The following LRRIQ3 variants were observed in gnomAD, a reference collection of about 807,000 sequenced individuals.
LRRIQ3 encodes leucine-rich repeat and IQ domain-containing protein 3.
LRRIQ3 carries 75 observed loss-of-function variants against 59.3 expected under a neutral mutation model. That is an observed-to-expected ratio of 1.26 (90% CI 1.05 to 1.53). The LOEUF (loss-of-function observed/expected upper bound fraction) is 1.53. Among genes scored for constraint, LRRIQ3 ranks in the 40% most tolerant of loss-of-function variants. The pLI is 0.00. For missense variants in LRRIQ3, 831 were observed against 710.0 expected, an observed-to-expected ratio of 1.17 and a Z score of -1.94; for synonymous variants, 250 against 231.3, an observed-to-expected ratio of 1.08 and a Z score of -0.73.
chr1:74,194,676 A>G (rs925872446), intron 1 of LRRIQ3, among the ~76,000 whole-genome samples: 12 of 152,292 alleles, frequency 7.9e-5, no homozygotes, highest in African/African-American at 2.6e-4. Flanking sequence ...AGCCAAAATT[A>G]ATAAAAACAT....
intron 3 of LRRIQ3, chr1:74,181,015 G>A: frequency 2.1e-6 from 1 of 487,644 alleles, no homozygotes; most frequent in Admixed American, 3.8e-5. Flanking sequence ...GACTTAATGA[G>A]GACAAGAATT....
chr1:74,174,694 TACA>T (rs2100707365), intron 3 of LRRIQ3, among the ~76,000 whole-genome samples: 1 of 152,152 alleles, frequency 6.6e-6, no homozygotes, highest in African/African-American at 2.4e-5. Context: ...GCACCCAGCC[TACA>T]ACTTCATTTT....
chr1:74,094,858 T>C (rs781315569), intron 5 of LRRIQ3, among the ~76,000 whole-genome samples: 1 of 152,126 alleles, frequency 6.6e-6, no homozygotes, highest in Admixed American at 6.6e-5. Context: ...AGAGGCTTTG[T>C]GTTCTGTTTT....
At chr1:74,189,156 G>A (rs1354126070) in intron 1 of LRRIQ3, among the ~76,000 whole-genome samples, 1 of 152,048 alleles carries the variant, frequency 6.6e-6, no homozygotes, top group Non-Finnish European at 1.5e-5. Flanking sequence ...TACTGTCTCA[G>A]GACCTCTCTA....
intron 1 of LRRIQ3, among the ~76,000 whole-genome samples, chr1:74,193,965 G>A (rs1000968205): frequency 4.6e-5 from 7 of 152,104 alleles, no homozygotes; most frequent in African/African-American, 1.7e-4. Context: ...AGTTTAGAAT[G>A]TCTGCAACAT....
chr1:74,073,713 T>C, intron 6 of LRRIQ3, among the ~76,000 whole-genome samples: 1 of 151,900 alleles, frequency 6.6e-6, no homozygotes, highest in Non-Finnish European at 1.5e-5. Flanking sequence ...TTTGACCAAT[T>C]CATATGCAAA....
intron 1 of LRRIQ3, among the ~76,000 whole-genome samples, chr1:74,187,803 C>T (rs572997024): frequency 5.3e-5 from 8 of 152,138 alleles, no homozygotes; most frequent in Admixed American, 2.0e-4. Flanking sequence ...GAAAAAGGAA[C>T]GCTTATACAT....
chr1:74,093,682 C>T (rs1442434610), intron 5 of LRRIQ3, among the ~76,000 whole-genome samples: 4 of 152,054 alleles, frequency 2.6e-5, no homozygotes, highest in African/African-American at 9.7e-5. Flanking sequence ...ATGAAAACTG[C>T]AATTTTCTGT....
chr1:74,164,020 A>G (rs768698874), intron 3 of LRRIQ3, among the ~76,000 whole-genome samples: 1 of 151,192 alleles, frequency 6.6e-6, no homozygotes, highest in Non-Finnish European at 1.5e-5. Flanking sequence ...TCACGTGATT[A>G]CTTTGCCATC....
intron 1 of LRRIQ3, among the ~76,000 whole-genome samples, chr1:74,194,540 C>T (rs1207438122): frequency 1.3e-5 from 2 of 151,928 alleles, no homozygotes; most frequent in Non-Finnish European, 2.9e-5. Context: ...TTATATACTT[C>T]TGTTCAGAAA....
At chr1:74,131,092 A>T (rs1233833741) in intron 4 of LRRIQ3, among the ~76,000 whole-genome samples, 1 of 152,166 alleles carries the variant, frequency 6.6e-6, no homozygotes, top group Non-Finnish European at 1.5e-5. Flanking sequence ...AGAATACTAT[A>T]AACATCTCTA....
chr1:74,177,914 T>C (rs1025709884), intron 3 of LRRIQ3, among the ~76,000 whole-genome samples: 3 of 152,042 alleles, frequency 2.0e-5, no homozygotes, highest in Admixed American at 6.6e-5. Context: ...CACTATAATA[T>C]TTTCTATCGA....
intron 1 of LRRIQ3, among the ~76,000 whole-genome samples, chr1:74,190,299 G>A (rs1026451403): frequency 4.6e-5 from 7 of 152,158 alleles, no homozygotes; most frequent in African/African-American, 1.7e-4. Flanking sequence ...GATAATGTAG[G>A]TAGAGAGATA....
intron 5 of LRRIQ3, among the ~76,000 whole-genome samples, chr1:74,076,957 T>C (rs914663550): frequency 3.9e-5 from 6 of 152,124 alleles, no homozygotes; most frequent in Non-Finnish European, 8.8e-5. Context: ...TCTTTACATT[T>C]AAAAATTTTT....
chr1:74,070,509 A>G lies in LRRIQ3; in HGVS notation c.997+4152T>C, dbSNP rs1394923190. ...GGGAGGCAAGAGGGAGAGGATTAAA[A>G]AAATATGTATTGGGCACTATGCTTA... is the stretch of plus-strand genomic sequence containing the variant. On this transcript the variant is annotated intron_variant, in intron 6 of 7. Coordinates refer to ENST00000354431, the MANE Select transcript of LRRIQ3 (RefSeq NM_001105659.2). 3.3e-5 allele frequency among the ~76,000 whole-genome samples: 5 copies of G among 152,132 alleles called. No individual in the cohort carries two copies. The East Asian group carries it at 9.7e-4, about 29-fold the overall frequency.
Position 74,068,697 on chromosome 1 carries a change from A to G in LRRIQ3, c.997+5964T>C, listed in dbSNP as rs1236589032. ...TTTGCATGTTTGCTTTTAATTTAAC[A>G]TCTGGTGGCAAAGATTTCTAGTCTT... On this transcript the variant is annotated intron_variant, in intron 6 of 7. Transcript: ENST00000354431. Among the ~76,000 whole-genome samples, 3 of 152,078 alleles carry G rather than the reference A, an allele frequency of 2.0e-5. No individual in the cohort carries two copies. In the East Asian group the frequency reaches 5.8e-4, roughly 29 times the overall value.
Position 74,074,776 on chromosome 1 carries a change from AG to A in LRRIQ3, c.881del (p.Pro294LeufsTer4). ...GTTCACTGGAATTTTTTAAATCAAC[AG>A]GATAATATATATTCTGTGAAAATAA... ...LAYWKHNIYY[P>X]VDLKNSSEHR... On this transcript the variant is annotated frameshift_variant, in exon 6 of 8. Transcript: ENST00000354431. LOFTEE classifies it high-confidence loss of function. 7.3e-7 allele frequency: 1 copy of A among 1,366,546 alleles called. No individual in the cohort carries two copies. The highest frequency in any genetic ancestry group is 9.9e-7 in the Non-Finnish European group (1 of 1,012,982). The allele number at this position is 1,366,546 out of a possible 1,614,324, so 84.7% of individuals were successfully genotyped here. A position where few individuals can be genotyped will look rare whatever the true frequency, so the allele number is the denominator to read the frequency against.
intron 6 of LRRIQ3, among the ~76,000 whole-genome samples, chr1:74,044,518 G>C (rs1014903386): frequency 1.3e-5 from 2 of 151,994 alleles, no homozygotes; most frequent in Non-Finnish European, 2.9e-5. Context: ...AAAGCAAAAA[G>C]ATCTAAAATT....
chr1:74,170,396 T>G lies in LRRIQ3; in HGVS notation c.573+12142A>C, dbSNP rs540379851. Among the ~76,000 whole-genome samples, 7 of 152,318 alleles carry G rather than the reference T, an allele frequency of 4.6e-5. No homozygotes were observed. The South Asian group carries it at 1.4e-3, about 32-fold the overall frequency. On this transcript the variant is annotated intron_variant, in intron 3 of 7. Coordinates refer to ENST00000354431, the MANE Select transcript of LRRIQ3 (RefSeq NM_001105659.2). ...TCTTTTTGATATGGATATCCAGTTT[T>G]CTCAACATCATCTATTGAAGAGAAT...
Sources: allele counts gnomAD v4.1 joint callset (sites outside exome capture counted in the v4.1 genomes callset), GRCh38; gene constraint gnomAD v4.1.1; transcripts MANE v1.5; gene names NCBI Gene and HGNC (gene_info 2026-07-23, HGNC 2026-07-21).